The following PRMT8 variants were observed in gnomAD, a reference collection of about 807,000 sequenced individuals.
PRMT8 encodes protein arginine N-methyltransferase 8.
PRMT8 carries 7 observed loss-of-function variants against 47.1 expected under a neutral mutation model. The observed-to-expected ratio is 0.15, with a 90% CI of 0.08 to 0.28. PRMT8 has a LOEUF of 0.28. Among genes scored for constraint, PRMT8 ranks in the 10% least tolerant of loss-of-function variants. The probability of loss-of-function intolerance (pLI) is 1.00; values close to 1 mark genes in which losing one functional copy is unlikely to be tolerated. For synonymous variants in PRMT8, 188 were observed against 186.5 expected (o/e 1.01, Z -0.07); for missense variants, 237 against 505.4 (o/e 0.47, Z 5.09).
chr12:3,542,845 G>C (rs1200034466), intron 2 of PRMT8, among the ~76,000 whole-genome samples: 1 of 152,222 alleles, frequency 6.6e-6, no homozygotes, highest in East Asian at 1.9e-4. Context: ...TCCCCAGCCT[G>C]TTACCTACAG....
intron 1 of PRMT8, among the ~76,000 whole-genome samples, chr12:3,383,016 G>A (rs915770252): frequency 8.5e-5 from 13 of 152,080 alleles, no homozygotes; most frequent in African/African-American, 2.9e-4. Context: ...TCACTTATGC[G>A]TATTTGTGCA....
chr12:3,521,607 G>A lies in PRMT8; in HGVS notation c.76-18999G>A, dbSNP rs140494269. Among the ~76,000 whole-genome samples, 466 of 152,170 alleles carry A rather than the reference G, an allele frequency of 3.1e-3. 4 individuals carry two copies. The highest frequency in any genetic ancestry group is 0.011 in the African/African-American group (447 of 41,530). ...ACAAAAACAAGAATTACGGGTGTAC[G>A]GGAATTGATACCCTTGCTAAACAAG... On this transcript the variant is annotated intron_variant, in intron 1 of 9. Transcript: ENST00000382622.
At chr12:3,421,860 G>A (rs1019843141) in intron 1 of PRMT8, among the ~76,000 whole-genome samples, 1 of 152,252 alleles carries the variant, frequency 6.6e-6, no homozygotes, top group African/African-American at 2.4e-5. Flanking sequence ...TGGAGGCTGA[G>A]GCTGCTGAGG....
intron 2 of PRMT8, among the ~76,000 whole-genome samples, chr12:3,548,418 A>AAT (rs1866363169): frequency 6.6e-6 from 1 of 152,242 alleles, no homozygotes; most frequent in Non-Finnish European, 1.5e-5. Flanking sequence ...AGACATTCAC[A>AAT]ATATATATGC....
intron 9 of PRMT8, 55 bp downstream of exon 9, chr12:3,592,407 C>T (rs1356530394): frequency 8.4e-6 from 13 of 1,554,536 alleles, no homozygotes; most frequent in East Asian, 2.4e-5. Flanking sequence ...AGAGCTGGCT[C>T]GCTCAGGACC....
chr12:3,519,705 G>T (rs1865852296), intron 1 of PRMT8, among the ~76,000 whole-genome samples: 2 of 152,162 alleles, frequency 1.3e-5, no homozygotes, highest in Non-Finnish European at 2.9e-5. Flanking sequence ...AGGCTGGGGG[G>T]CTACATAAGG....
Position 3,493,786 on chromosome 12 carries a change from A to C in PRMT8, c.75+2086A>C, listed in dbSNP as rs1412344442. ...TAGGGGCGGCCGGGCTCCTGCGAAC[A>C]ACAACAAAACAAACAAACAAAAAAC... On this transcript the variant is annotated intron_variant, in intron 1 of 9. Coordinates refer to ENST00000382622, the MANE Select transcript of PRMT8 (RefSeq NM_019854.5). This position sits in a 1 kb window ranked among gnomAD's most constrained non-coding sequence, Gnocchi z 8.2. Among the ~76,000 whole-genome samples the C allele has an allele frequency of 6.6e-6, 1 of 152,242 alleles. No homozygotes were observed. The highest frequency in any genetic ancestry group is 1.5e-5 in the Non-Finnish European group (1 of 68,046).
intron 1 of PRMT8, among the ~76,000 whole-genome samples, chr12:3,428,855 A>C (rs1316029483): frequency 3.9e-5 from 3 of 77,274 alleles, no homozygotes; most frequent in African/African-American, 5.4e-5. Flanking sequence ...TCTTACCTTG[A>C]CTCTCTCTTT....
At chr12:3,560,031 AGGGAC>A (rs1866604796) in intron 4 of PRMT8, among the ~76,000 whole-genome samples, 2 of 152,056 alleles carry the variant, frequency 1.3e-5, no homozygotes, top group African/African-American at 4.8e-5. Context: ...TCCAGGGAGG[AGGGAC>A]CTCCAGGTCC....
chr12:3,532,611 CAAAAAAAAAAAAAAA>C lies in PRMT8; in HGVS notation c.76-7979_76-7965del, dbSNP rs35698030. On this transcript the variant is annotated intron_variant, in intron 1 of 9. Transcript: ENST00000382622. ...TGGGCGACAGAGTAAGACTCCGTCT[CAAAAAAAAAAAAAAA>C]AAAAAAAAAAAAAAAGAGCTCTCTC... Among the ~76,000 whole-genome samples, 100 of 24,660 alleles carry C rather than the reference CAAAAAAAAAAAAAAA, an allele frequency of 4.1e-3. 1 individual carries two copies. The highest frequency in any genetic ancestry group is 0.042 in the Middle Eastern group (1 of 24). The allele number at this position is 24,660 out of a possible 152,430, so 16.2% of individuals were successfully genotyped here. A position where few individuals can be genotyped will look rare whatever the true frequency, so the allele number is the denominator to read the frequency against.
At chr12:3,575,869 A>T (rs972122319) in intron 6 of PRMT8, among the ~76,000 whole-genome samples, 4 of 152,088 alleles carry the variant, frequency 2.6e-5, no homozygotes, top group African/African-American at 9.7e-5. Context: ...AAATACAAAA[A>T]TTAACCCGGC....
chr12:3,537,888 C>T (rs184379893), intron 1 of PRMT8, among the ~76,000 whole-genome samples: 101 of 152,288 alleles, frequency 6.6e-4, no homozygotes, highest in Non-Finnish European at 1.1e-3. Flanking sequence ...CCTTCTTTTC[C>T]TTGGCCCCTC....
At position 3,529,790 on chromosome 12, in the gene PRMT8, A is replaced by G. The variant is rs932927286; in HGVS notation, c.76-10816A>G. On this transcript the variant is annotated intron_variant, in intron 1 of 9. Coordinates refer to ENST00000382622, the MANE Select transcript of PRMT8 (RefSeq NM_019854.5). ...TCTCCACCTTCAGCTCAATGGCCAG[A>G]TGATGGAGCCTGAGAATCTATGAGG... is the stretch of plus-strand genomic sequence containing the variant. Among the ~76,000 whole-genome samples the G allele has an allele frequency of 3.3e-5, 5 of 152,300 alleles. No homozygotes were observed. The South Asian group carries it at 1.0e-3, about 32-fold the overall frequency.
chr12:3,442,401 T>G (rs576013285), intron 1 of PRMT8, among the ~76,000 whole-genome samples: 1 of 151,578 alleles, frequency 6.6e-6, no homozygotes, highest in Non-Finnish European at 1.5e-5. Flanking sequence ...GAACTCTGTG[T>G]AGGGAGGCAG....
At position 3,453,756 on chromosome 12, in the gene PRMT8, A is replaced by G. The variant is rs74057430; in HGVS notation, c.48+72314A>G. Among the ~76,000 whole-genome samples, 2,873 of 151,810 alleles carry G rather than the reference A, an allele frequency of 0.019. 84 individuals carry two copies. Among genetic ancestry groups the G allele is most frequent in the African/African-American group, 0.062 (2,584 of 41,390 alleles). ...GCGGCACCCTGTGGTCTGTGTCCTG[A>G]CGTGGCCCGACTGTGGACCCCCTTG... On this transcript the variant is annotated intron_variant, in intron 1 of 9. Transcript: ENST00000452611. This position sits in a 1 kb window ranked among gnomAD's most constrained non-coding sequence, Gnocchi z 4.9.
intron 1 of PRMT8, among the ~76,000 whole-genome samples, chr12:3,471,997 A>G (rs1865167258): frequency 6.6e-6 from 1 of 151,844 alleles, no homozygotes; most frequent in Non-Finnish European, 1.5e-5. Context: ...TGTCCCAGCA[A>G]CAGAAGTCAT....
intron 8 of PRMT8, among the ~76,000 whole-genome samples, chr12:3,584,886 C>T (rs1295784563): frequency 6.6e-6 from 1 of 152,176 alleles, no homozygotes; most frequent in East Asian, 1.9e-4. Context: ...TTTAAAAAAA[C>T]TTAGGTTGGA....
At chr12:3,519,171 G>A (rs768950156) in intron 1 of PRMT8, among the ~76,000 whole-genome samples, 3 of 151,930 alleles carry the variant, frequency 2.0e-5, no homozygotes, top group Admixed American at 6.6e-5. Flanking sequence ...GGCTCAGCTC[G>A]TGGCCAGAGA....
intron 1 of PRMT8, among the ~76,000 whole-genome samples, chr12:3,398,996 G>C (rs530497721): frequency 5.9e-5 from 9 of 152,190 alleles, no homozygotes; most frequent in Non-Finnish European, 1.2e-4. Flanking sequence ...GAATGGGCTT[G>C]TTCCCAGGCT....
Sources: gnomAD v4.1 joint callset for allele counts (sites outside exome capture counted in the v4.1 genomes callset) on GRCh38, gnomAD v4.1.1 for gene constraint, Gnocchi (gnomAD v3.1) non-coding constraint, MANE v1.5 for transcripts, NCBI Gene and HGNC (gene_info 2026-07-23, HGNC 2026-07-21) for gene names.